SIGLEC12: variants seen among roughly 807,000 people sequenced by gnomAD.
SIGLEC12 encodes sialic acid-binding Ig-like lectin 12.
SIGLEC12 carries 43 observed loss-of-function variants against 54.1 expected under a neutral mutation model. That is an observed-to-expected ratio of 0.80 (90% CI 0.62 to 1.03). SIGLEC12 has a LOEUF of 1.03. Among genes scored for constraint, SIGLEC12 ranks in the 50% least tolerant of loss-of-function variants. The probability of loss-of-function intolerance (pLI) is 0.00; values close to 1 mark genes in which losing one functional copy is unlikely to be tolerated. For synonymous variants in SIGLEC12, 357 were observed against 307.6 expected (o/e 1.16, Z -1.68); for missense variants, 802 against 735.2 (o/e 1.09, Z -1.05).
chr19:51,499,055 A>AG (rs902965969), intron 4 of SIGLEC12, 115 bp downstream of exon 4: 90 of 1,023,454 alleles, frequency 8.8e-5, no homozygotes, highest in Middle Eastern at 2.5e-4. Flanking sequence ...AGGCTGAGGG[A>AG]GGGGGGGGCC....
intron 1 of SIGLEC12, among the ~76,000 whole-genome samples, chr19:51,500,900 CT>C (rs1990375542): frequency 6.6e-6 from 1 of 151,962 alleles, no homozygotes; most frequent in Admixed American, 6.5e-5. Context: ...CTGGGGAGGA[CT>C]TAACCCCCCA....
In SIGLEC12 at chr19:51,491,751, C is replaced by T. The variant is rs1488829694; in HGVS notation, c.1678G>A (p.Glu560Lys). 5 of 1,612,670 alleles carry T rather than the reference C, an allele frequency of 3.1e-6. No homozygotes were observed. The East Asian group carries it at 6.7e-5, about 22-fold the overall frequency. ...PPALATPSPEEGEIQYASLSF... is the reference protein window; with the variant it reads ...PPALATPSPEKGEIQYASLSF... ...AGGGATGCATACTGGATCTCTCCTT[C>T]CTCTGGGGAGGGGGTGGCCAGGGCT... The change falls in exon 8 of 8, where the codon GAA (glutamate) becomes AAA (lysine). Residue 560 changes from glutamate to lysine, a missense_variant. Coordinates refer to ENST00000291707, the MANE Select transcript of SIGLEC12 (RefSeq NM_053003.4).
intron 7 of SIGLEC12, among the ~76,000 whole-genome samples, chr19:51,495,277 A>G (rs1231440953): frequency 6.4e-5 from 8 of 125,382 alleles, no homozygotes; most frequent in African/African-American, 1.8e-4. Flanking sequence ...GGATGGATGG[A>G]TGGATGGATG....
Position 51,500,138 on chromosome 19 carries a change from A to G in SIGLEC12, c.590T>C (p.Ile197Thr), listed in dbSNP as rs149567129. 2.5e-6 allele frequency: 4 copies of G among 1,614,014 alleles called. No individual in the cohort carries two copies. The highest frequency in any genetic ancestry group is 3.4e-6 in the Non-Finnish European group (4 of 1,180,022). ...YGSWFKEGAD[I>T]PWDIPVATNT... ...TGTGGCCACTGGAATATCCCATGGT[A>G]TATCGGCCCCTTCCTTGAACCAGGA... The change falls in exon 2 of 8, where the codon ATA becomes ACA. Residue 197 changes from isoleucine (I) to threonine (T), a missense_variant. Ile to Thr is a moderately conservative substitution (Grantham distance 89). Coordinates refer to ENST00000291707, the MANE Select transcript of SIGLEC12 (RefSeq NM_053003.4).
At position 51,501,514 on chromosome 19, in the gene SIGLEC12, T is replaced by C. The variant is rs1326332243; in HGVS notation, c.220A>G (p.Ile74Val). The change falls in exon 1 of 8, where the codon ATT (isoleucine) becomes GTT (valine). Residue 74 changes from isoleucine to valine, a missense_variant. Transcript: ENST00000291707. Reference protein sequence around the residue: ...FRAGDHVSRNIPVATNNPARA... With the variant: ...FRAGDHVSRNVPVATNNPARA... ...GCTGGGTTGTTTGTGGCCACTGGAA[T>C]GTTCCGGCTTACATGGTCCCCTGCC... is the stretch of plus-strand genomic sequence containing the variant. 6.3e-7 allele frequency: 1 copy of C among 1,592,322 alleles called. No homozygotes were observed. Among genetic ancestry groups the C allele is most frequent in the East Asian group, 2.2e-5 (1 of 44,570 alleles).
chr19:51,493,234 G>T (rs1990153361), intron 7 of SIGLEC12, among the ~76,000 whole-genome samples: 3 of 152,144 alleles, frequency 2.0e-5, no homozygotes, highest in South Asian at 4.1e-4. Flanking sequence ...TCCCTACACA[G>T]AAGCCCTTCT....
rs761559429 is a variant in SIGLEC12, at chr19:51,497,381, C to T, written c.1470G>A (p.Leu490=). 5.6e-6 allele frequency: 9 copies of T among 1,613,254 alleles called. No homozygotes were observed. The highest frequency in any genetic ancestry group is 7.6e-6 in the Non-Finnish European group (9 of 1,179,336). The change falls in exon 6 of 8, where the codon CTG becomes CTA. Residue 490 remains leucine, a synonymous_variant. Transcript: ENST00000291707. ...GAFGGAGATA[L]VFLYFCIIFV... is the part of the protein sequence containing the mutation. ...AGATGATGCAGAAGTACAGGAAGAC[C>T]AGGGCTGTGGCTCCAGCTCCCCCGA... is the stretch of plus-strand genomic sequence containing the variant.
chr19:51,494,066 G>A (rs73049701), intron 7 of SIGLEC12, among the ~76,000 whole-genome samples: 15,943 of 152,122 alleles, frequency 0.1, 988 homozygotes, highest in Middle Eastern at 0.16. Flanking sequence ...CTGTGCCTGA[G>A]CCTCACCCTG....
intron 4 of SIGLEC12, 44 bp downstream of exon 4, chr19:51,499,126 G>A: frequency 6.2e-7 from 1 of 1,606,744 alleles, no homozygotes; most frequent in Admixed American, 1.7e-5. Context: ...CCCCTGAGTT[G>A]AAGGCTCTGC....
chr19:51,491,562 A>T lies in SIGLEC12; in HGVS notation c.*79T>A. The T allele has an allele frequency of 7.1e-7, 1 of 1,400,540 alleles. No individual in the cohort carries two copies. Among genetic ancestry groups the T allele is most frequent in the Non-Finnish European group, 1.0e-6 (1 of 994,868 alleles). The allele number at this position is 1,400,540 out of a possible 1,614,324, so 86.8% of individuals were successfully genotyped here. ...CTGTTGCACAGCATGGAGGGCTGTT[A>T]ATTCTAAAGGAATCAGTCTCGGGCT... is the stretch of plus-strand genomic sequence containing the variant. On this transcript the variant is annotated 3_prime_UTR_variant, in exon 8 of 8. Coordinates refer to ENST00000291707, the MANE Select transcript of SIGLEC12 (RefSeq NM_053003.4).
In SIGLEC12 at chr19:51,498,009, C is replaced by G; in HGVS notation, c.1405+9G>C. 6.2e-7 allele frequency: 1 copy of G among 1,614,078 alleles called. No homozygotes were observed. The highest frequency in any genetic ancestry group is 1.3e-5 in the African/African-American group (1 of 75,062). ...TGTGTTCTCCTCCTCCAGACCCTCCCCTACCCACCTGTGTACTCGTTTTGC... is the reference window on the plus strand; with the variant it reads ...TGTGTTCTCCTCCTCCAGACCCTCCGCTACCCACCTGTGTACTCGTTTTGC... On this transcript the variant is annotated intron_variant, in intron 5 of 7. Coordinates refer to ENST00000291707, the MANE Select transcript of SIGLEC12 (RefSeq NM_053003.4).
chr19:51,491,924 A>G (rs577450751), intron 7 of SIGLEC12, 95 bp from the exon 8 acceptor site: 2 of 952,624 alleles, frequency 2.1e-6, no homozygotes, highest in South Asian at 1.8e-5. Context: ...TCCTTCCTCC[A>G]TTCATCCCAT....
chr19:51,495,039 G>T (rs1212445986), intron 7 of SIGLEC12, among the ~76,000 whole-genome samples: 1 of 152,146 alleles, frequency 6.6e-6, no homozygotes, highest in Non-Finnish European at 1.5e-5. Context: ...CAAGATAAAA[G>T]GGTTCTAGAG....
chr19:51,500,115 T>C lies in SIGLEC12; in HGVS notation c.613A>G (p.Thr205Ala), dbSNP rs1405747456. The C allele has an allele frequency of 1.2e-6, 2 of 1,614,170 alleles. No homozygotes were observed. The highest frequency in any genetic ancestry group is 4.5e-5 in the East Asian group (2 of 44,878). Residue 205 changes from threonine (T) to alanine (A), a missense_variant, in exon 2 of 8, where the codon ACA becomes GCA. By Grantham distance (58) the Thr-to-Ala change is moderately conservative. Transcript: ENST00000291707. ...ADIPWDIPVA[T>A]NTPSGKVQED... ...TGCACTTTTCCACTTGGGGTGTTTGTGGCCACTGGAATATCCCATGGTATA... is the reference window on the plus strand; with the variant it reads ...TGCACTTTTCCACTTGGGGTGTTTGCGGCCACTGGAATATCCCATGGTATA...
At position 51,501,386 on chromosome 19, in the gene SIGLEC12, T is replaced by G; in HGVS notation, c.348A>C (p.Ala116=). The change falls in exon 1 of 8, where the codon GCA becomes GCC. Residue 116 remains alanine, a synonymous_variant. Transcript: ENST00000291707. ...TCTCTACACAAAAGACGTATGTCCC[T>G]GCATCACTCTCTCTGGTGTCTCTGA... ...LSIRDTRESD[A]GTYVFCVERG... is the part of the protein sequence containing the mutation. The G allele has an allele frequency of 6.2e-7, 1 of 1,614,224 alleles. No individual in the cohort carries two copies. Among genetic ancestry groups the G allele is most frequent in the Non-Finnish European group, 8.5e-7 (1 of 1,180,022 alleles).
At chr19:51,497,165 T>C (rs1468734367) in intron 6 of SIGLEC12, among the ~76,000 whole-genome samples, 184 bp downstream of exon 6, 1 of 152,110 alleles carries the variant, frequency 6.6e-6, no homozygotes, top group African/African-American at 2.4e-5. Context: ...GGTCTGAGGT[T>C]TGCCACAGAC....
chr19:51,499,579 A>T lies in SIGLEC12; in HGVS notation c.946T>A (p.Ser316Thr). Residue 316 changes from serine to threonine, a missense_variant, in exon 3 of 8, where the codon TCC becomes ACC. By Grantham distance (58) the Ser-to-Thr change is moderately conservative (BLOSUM62 1). Coordinates refer to ENST00000291707, the MANE Select transcript of SIGLEC12 (RefSeq NM_053003.4). Reference protein sequence around the residue: ...TITWMGASVSSLDPTITRSSM... With the variant: ...TITWMGASVSTLDPTITRSSM... ...GAGCGAGTGATAGTGGGGTCCAGGG[A>T]GGACACGGAGGCCCCCATCCAGGTG... 6.2e-7 allele frequency: 1 copy of T among 1,612,450 alleles called. No homozygotes were observed. Among genetic ancestry groups the T allele is most frequent in the Non-Finnish European group, 8.5e-7 (1 of 1,179,176 alleles).
chr19:51,496,160 C>A, intron 7 of SIGLEC12, among the ~76,000 whole-genome samples: 1 of 152,146 alleles, frequency 6.6e-6, no homozygotes, highest in East Asian at 1.9e-4. Flanking sequence ...TTTAAAAAAT[C>A]AAAATTAATA....
chr19:51,493,050 A>G (rs1156560363), intron 7 of SIGLEC12, among the ~76,000 whole-genome samples: 1 of 151,986 alleles, frequency 6.6e-6, no homozygotes, highest in Non-Finnish European at 1.5e-5. Flanking sequence ...ACTGTTTGTG[A>G]TTTCACTCCC....
Sources: allele counts gnomAD v4.1 joint callset (sites outside exome capture counted in the v4.1 genomes callset), GRCh38; gene constraint gnomAD v4.1.1; transcripts MANE v1.5; gene names NCBI Gene and HGNC (gene_info 2026-07-23, HGNC 2026-07-21).